ATG4B: variants seen among roughly 807,000 people sequenced by gnomAD.
The protein encoded by ATG4B is autophagy related 4B cysteine peptidase.
A neutral mutation model predicts 56.6 loss-of-function variants in ATG4B; 29 were observed. The observed-to-expected ratio is 0.51, with a 90% CI of 0.38 to 0.70. ATG4B has a LOEUF of 0.70. Ranked by LOEUF, ATG4B falls within the 30% of genes least tolerant of loss-of-function variation. The pLI, the probability that ATG4B is intolerant of heterozygous loss-of-function variation, is 0.00. For synonymous variants in ATG4B, 224 were observed against 206.1 expected, an observed-to-expected ratio of 1.09 and a Z score of -0.74; for missense variants, 461 against 515.5, an observed-to-expected ratio of 0.89 and a Z score of 1.02.
Position 241,673,396 on chromosome 2 carries a change from G to A in ATG4B, c.*1132G>A. The A allele has an allele frequency of 2.7e-6, 1 of 367,556 alleles. No individual in the cohort carries two copies. Among genetic ancestry groups the A allele is most frequent in the South Asian group, 2.0e-5 (1 of 51,162 alleles). 22.8% of individuals were successfully genotyped at this position (367,556 alleles called of 1,614,324 possible). A position where few individuals can be genotyped will look rare whatever the true frequency, so the allele number is the denominator to read the frequency against. On this transcript the variant is annotated 3_prime_UTR_variant, in exon 13 of 13. Transcript: ENST00000404914. ...TTTGCCCCACTAGGAAATGTAAACA[G>A]GAGGGCTTGGGGAGCGTGGGCACTT...
At chr2:241,664,223 A>C (rs1027561718) in intron 7 of ATG4B, among the ~76,000 whole-genome samples, 28 of 152,194 alleles carry the variant, frequency 1.8e-4, no homozygotes, top group African/African-American at 6.5e-4. Context: ...GTTTTAAAAA[A>C]ATCAAAGTTA....
chr2:241,645,574 G>A (rs1575059878), intron 1 of ATG4B, among the ~76,000 whole-genome samples: 3 of 152,172 alleles, frequency 2.0e-5, no homozygotes, highest in East Asian at 1.9e-4. Flanking sequence ...TGACTTGTCC[G>A]TTTCACAGTG....
At chr2:241,647,712 A>G (rs1228872512) in intron 1 of ATG4B, among the ~76,000 whole-genome samples, 2 of 152,074 alleles carry the variant, frequency 1.3e-5, no homozygotes, top group African/African-American at 2.4e-5. Context: ...ATTTTAGTCT[A>G]TATATTGAAT....
chr2:241,658,085 T>C, intron 6 of ATG4B, among the ~76,000 whole-genome samples: 1 of 152,246 alleles, frequency 6.6e-6, no homozygotes, highest in East Asian at 1.9e-4. Flanking sequence ...TACTGTTCTC[T>C]GCAGTGTTGA....
intron 4 of ATG4B, 127 bp from the exon 5 acceptor site, chr2:241,654,419 T>TAAAA (rs201525288): frequency 1.1e-5 from 5 of 438,804 alleles, no homozygotes; most frequent in Non-Finnish European, 2.0e-5. Flanking sequence ...AGACTCTGTT[T>TAAAA]AAAAAAAAAA....
At chr2:241,669,136 T>C (rs2068878290) in intron 10 of ATG4B, among the ~76,000 whole-genome samples, 1 of 152,052 alleles carries the variant, frequency 6.6e-6, no homozygotes, top group Non-Finnish European at 1.5e-5. Flanking sequence ...AGGCTCTGAC[T>C]TGACCTCTCT....
At chr2:241,667,125 G>A (rs892186856) in intron 8 of ATG4B, among the ~76,000 whole-genome samples, 9 of 152,164 alleles carry the variant, frequency 5.9e-5, no homozygotes, top group Admixed American at 4.6e-4. Context: ...TCGGCCTGAC[G>A]GGGAGCCCCG....
In ATG4B at chr2:241,666,759, C is replaced by T. The variant is rs1454710752; in HGVS notation, c.653C>T (p.Pro218Leu). Reference protein sequence around the residue: ...AGAEVTNRPSPWRPLVLLIPL... With the variant: ...AGAEVTNRPSLWRPLVLLIPL... ...GCTGAGGTCACCAACAGGCCGTCGC[C>T]ATGGAGACCCCTGGTACTTCTCATT... The change falls in exon 8 of 13, where the codon CCA becomes CTA. Residue 218 changes from proline (P) to leucine (L), a missense_variant. By Grantham distance (98) the Pro-to-Leu change is moderately conservative. Transcript: ENST00000404914. 1 of 1,602,912 alleles carries T rather than the reference C, an allele frequency of 6.2e-7. No individual in the cohort carries two copies. The highest frequency in any genetic ancestry group is 1.3e-5 in the African/African-American group (1 of 74,704).
Position 241,673,826 on chromosome 2 carries a change from A to G in ATG4B, c.*1562A>G, listed in dbSNP as rs978973934. On this transcript the variant is annotated 3_prime_UTR_variant, in exon 13 of 13. Coordinates refer to ENST00000404914, the MANE Select transcript of ATG4B (RefSeq NM_013325.5). Reference sequence around the variant, plus strand: ...TTAGTAGTATAGTTTGCAATTCTTAATGGCAAATAATAAGTTTCAGTAGAA... The same window carrying G: ...TTAGTAGTATAGTTTGCAATTCTTAGTGGCAAATAATAAGTTTCAGTAGAA... 1 of 428,120 alleles carries G rather than the reference A, an allele frequency of 2.3e-6. No homozygotes were observed. The highest frequency in any genetic ancestry group is 4.8e-6 in the Non-Finnish European group (1 of 207,338). The allele number at this position is 428,120 out of a possible 1,614,324, so 26.5% of individuals were successfully genotyped here. A position where few individuals can be genotyped will look rare whatever the true frequency, so the allele number is the denominator to read the frequency against.
At chr2:241,653,333 A>C (rs766153218) in intron 3 of ATG4B, 179 bp from the exon 4 acceptor site, 11 of 1,549,462 alleles carry the variant, frequency 7.1e-6, no homozygotes, top group Middle Eastern at 1.7e-4. Context: ...TTCACTCTCC[A>C]GTAAATGTGG....
At chr2:241,645,363 T>C (rs1188188830) in intron 1 of ATG4B, among the ~76,000 whole-genome samples, 1 of 152,106 alleles carries the variant, frequency 6.6e-6, no homozygotes, top group Non-Finnish European at 1.5e-5. Context: ...GGAAAGGACG[T>C]TATGTTGGAT....
chr2:241,670,757 A>T lies in ATG4B; in HGVS notation c.989A>T (p.Asn330Ile). 6 of 1,610,914 alleles carry T rather than the reference A, an allele frequency of 3.7e-6. No homozygotes were observed. The highest frequency in any genetic ancestry group is 5.1e-6 in the Non-Finnish European group (6 of 1,178,604). ...GFFCKTEDDF[N>I]DWCQQVKKLS... is the part of the protein sequence containing the mutation. Reference sequence around the variant, plus strand: ...TTCTGTAAGACTGAAGATGACTTCAATGATTGGTGCCAGCAAGTCAAAAAG... The same window carrying T: ...TTCTGTAAGACTGAAGATGACTTCATTGATTGGTGCCAGCAAGTCAAAAAG... Residue 330 changes from asparagine (N) to isoleucine (I), a missense_variant, in exon 11 of 13, where the codon AAT becomes ATT. Physicochemically the swap from Asn to Ile is moderately radical, Grantham distance 149. Coordinates refer to ENST00000404914, the MANE Select transcript of ATG4B (RefSeq NM_013325.5).
intron 6 of ATG4B, among the ~76,000 whole-genome samples, chr2:241,658,065 G>T (rs533972902): frequency 1.3e-5 from 2 of 152,200 alleles, no homozygotes. Flanking sequence ...GCCACTCCCC[G>T]TTCCTGCGTT....
intron 4 of ATG4B, among the ~76,000 whole-genome samples, chr2:241,653,909 A>G (rs939094597): frequency 6.7e-6 from 1 of 150,246 alleles, no homozygotes; most frequent in Non-Finnish European, 1.5e-5. Context: ...GAGAATTGCT[A>G]GAACCCAGGA....
At chr2:241,671,860 G>C (rs1282853908) in intron 12 of ATG4B, 1 of 1,292,040 alleles carries the variant, frequency 7.7e-7, no homozygotes, top group South Asian at 1.7e-5. Context: ...CCTCATCTCT[G>C]TCTCCCTGTG....
At chr2:241,669,758 C>T (rs991597948) in intron 10 of ATG4B, among the ~76,000 whole-genome samples, 2 of 152,222 alleles carry the variant, frequency 1.3e-5, no homozygotes, top group Admixed American at 6.5e-5. Flanking sequence ...CCACCCACCT[C>T]GGCCTCCCAA....
rs748360298 is a variant in ATG4B, at chr2:241,651,005, A to G, written c.11-5A>G. On this transcript the variant is annotated splice_region_variant and splice_polypyrimidine_tract_variant and intron_variant, in intron 1 of 12. Coordinates refer to ENST00000404914, the MANE Select transcript of ATG4B (RefSeq NM_013325.5). This position sits in a 1 kb window ranked among gnomAD's most constrained non-coding sequence, Gnocchi z 4.1. ...CTGATGATTGTGCATCTTTGGTTTC[A>G]ACAGCTACTCTGACCTACGACACTC... 5.6e-6 allele frequency: 9 copies of G among 1,611,062 alleles called. No individual in the cohort carries two copies. The Admixed American group carries it at 8.4e-5, about 15-fold the overall frequency.
chr2:241,668,115 C>T lies in ATG4B; in HGVS notation c.733-28C>T, dbSNP rs966576640. ...GGGACCGTCTGCTCCCACCTGGGAC[C>T]TGTGCTCAGTCCCCCGCCCCTCCAC... On this transcript the variant is annotated intron_variant, in intron 8 of 12. Transcript: ENST00000404914. This position sits in a 1 kb window ranked among gnomAD's most constrained non-coding sequence, Gnocchi z 4.2. 5.7e-6 allele frequency: 9 copies of T among 1,567,220 alleles called. No individual in the cohort carries two copies. Among genetic ancestry groups the T allele is most frequent in the Admixed American group, 3.7e-5 (2 of 53,612 alleles).
chr2:241,647,294 A>G (rs2068090537), intron 1 of ATG4B, among the ~76,000 whole-genome samples: 1 of 152,156 alleles, frequency 6.6e-6, no homozygotes, highest in South Asian at 2.1e-4. Flanking sequence ...TCCAACAGCA[A>G]GATGGAATCA....
Sources: gnomAD v4.1 joint callset for allele counts (sites outside exome capture counted in the v4.1 genomes callset) on GRCh38, gnomAD v4.1.1 for gene constraint, Gnocchi (gnomAD v3.1) non-coding constraint, MANE v1.5 for transcripts, NCBI Gene and HGNC (gene_info 2026-07-23, HGNC 2026-07-21) for gene names.